The following SLC35H1 variants were observed in gnomAD, a reference collection of about 807,000 sequenced individuals.
The protein encoded by SLC35H1 is solute carrier family 35 member H1.
the SLC35H1 span, among the ~76,000 whole-genome samples, chr20:46,354,575 G>C: frequency 6.6e-6 from 1 of 152,184 alleles, no homozygotes; most frequent in South Asian, 2.1e-4. Context: ...CCTGCAAAAT[G>C]GGGGATAATA....
the SLC35H1 span, among the ~76,000 whole-genome samples, chr20:46,359,214 A>T: frequency 6.6e-6 from 1 of 152,220 alleles, no homozygotes; most frequent in Non-Finnish European, 1.5e-5. Flanking sequence ...TCAGTCCTTC[A>T]TCAATCCTAC....
At chr20:46,350,804 C>T in the SLC35H1 span, 12 of 1,614,096 alleles carry the variant, frequency 7.4e-6, no homozygotes, top group East Asian at 2.2e-5. Context: ...GGGATATTCC[C>T]GAGAGGCAGA....
the SLC35H1 span, chr20:46,350,752 C>T: frequency 3.1e-6 from 5 of 1,613,642 alleles, no homozygotes; most frequent in Non-Finnish European, 4.2e-6. Context: ...GGAAGGGACT[C>T]TGGGTTACCT....
chr20:46,347,338 C>T, the SLC35H1 span: 1 of 152,244 alleles, frequency 6.6e-6, no homozygotes, highest in Non-Finnish European at 1.5e-5. Flanking sequence ...CGGGCTGTTA[C>T]AGATTAAATA....
chr20:46,352,426 A>T, the SLC35H1 span: 1 of 582,702 alleles, frequency 1.7e-6, no homozygotes, highest in Admixed American at 3.1e-5. Flanking sequence ...CCAGGGAAGC[A>T]GTGATGGCTG....
At chr20:46,360,893 AATC>A in the SLC35H1 span, among the ~76,000 whole-genome samples, 3,244 of 152,312 alleles carry the variant, frequency 0.021, 79 homozygotes, top group Middle Eastern at 0.048. Context: ...AGTTTTTATT[AATC>A]ATATGTTTCA....
chr20:46,356,500 G>T, the SLC35H1 span: 35 of 1,481,698 alleles, frequency 2.4e-5, no homozygotes, highest in Non-Finnish European at 3.0e-5. Context: ...TAGCAGCCGG[G>T]TGTGCAGACA....
the SLC35H1 span, chr20:46,350,239 G>C: frequency 6.0e-6 from 5 of 839,288 alleles, no homozygotes; most frequent in Non-Finnish European, 8.9e-6. Context: ...TCTGAAGGGA[G>C]GGGCAAAAGT....
At chr20:46,350,377 C>A in the SLC35H1 span, 1 of 1,593,766 alleles carries the variant, frequency 6.3e-7, no homozygotes, top group East Asian at 2.2e-5. Flanking sequence ...TGCTTCTAAG[C>A]CATTTGCCCT....
the SLC35H1 span, chr20:46,357,901 G>A: frequency 3.2e-6 from 3 of 940,936 alleles, no homozygotes; most frequent in Admixed American, 7.8e-5. Flanking sequence ...CTTGCTATGT[G>A]TGTAGGGCCC....
the SLC35H1 span, chr20:46,357,869 T>G: frequency 7.2e-7 from 1 of 1,390,874 alleles, no homozygotes; most frequent in Non-Finnish European, 1.0e-6. Flanking sequence ...GGAGTGGGGC[T>G]CATTCGGTGG....
At chr20:46,360,473 C>T in the SLC35H1 span, among the ~76,000 whole-genome samples, 3 of 152,214 alleles carry the variant, frequency 2.0e-5, no homozygotes, top group South Asian at 6.2e-4. Flanking sequence ...CAGAAACTTA[C>T]ATATTGAAAC....
the SLC35H1 span, among the ~76,000 whole-genome samples, chr20:46,361,221 C>T: frequency 6.6e-6 from 1 of 152,212 alleles, no homozygotes; most frequent in Non-Finnish European, 1.5e-5. Flanking sequence ...TACTTCCCAT[C>T]CCAGCAAATG....
chr20:46,350,390 C>A, the SLC35H1 span: 1 of 1,603,644 alleles, frequency 6.2e-7, no homozygotes, highest in Non-Finnish European at 8.5e-7. Flanking sequence ...TTTGCCCTGG[C>A]TGGTCACTGC....
chr20:46,355,160 C>A, the SLC35H1 span: 1 of 1,614,090 alleles, frequency 6.2e-7, no homozygotes, highest in Non-Finnish European at 8.5e-7. This position sits in a 1 kb window ranked among gnomAD's most constrained non-coding sequence, Gnocchi z 4.8. Flanking sequence ...GCGAAGCCCT[C>A]CACGTTGAAC....
the SLC35H1 span, chr20:46,354,928 C>T: frequency 9.9e-6 from 16 of 1,613,496 alleles, no homozygotes; most frequent in Admixed American, 1.7e-5. Flanking sequence ...ACATGAGTGG[C>T]TGCAGGTGGA....
the SLC35H1 span, among the ~76,000 whole-genome samples, chr20:46,359,374 A>G: frequency 6.6e-6 from 1 of 152,118 alleles, no homozygotes; most frequent in Admixed American, 6.5e-5. Context: ...GTCCCCTGAG[A>G]GGCTACGAGC....
At chr20:46,358,337 C>T in the SLC35H1 span, 3 of 1,535,298 alleles carry the variant, frequency 2.0e-6, no homozygotes, top group African/African-American at 1.4e-5. Flanking sequence ...GTAGCCATGG[C>T]TCTGGCCACC....
chr20:46,353,125 G>C, the SLC35H1 span: 3 of 152,240 alleles, frequency 2.0e-5, no homozygotes, highest in African/African-American at 7.2e-5. Flanking sequence ...TCTAGGTCTT[G>C]CTAGTACAGA....
Sources: allele counts gnomAD v4.1 joint callset (sites outside exome capture counted in the v4.1 genomes callset), GRCh38; gene constraint gnomAD v4.1.1; non-coding constraint Gnocchi (gnomAD v3.1); transcripts MANE v1.5; gene names NCBI Gene and HGNC (gene_info 2026-07-23, HGNC 2026-07-21).